ACBD6: variants seen among roughly 807,000 people sequenced by gnomAD.
ACBD6 encodes acyl-CoA-binding domain-containing protein 6.
A neutral mutation model predicts 37.2 loss-of-function variants in ACBD6; 28 were observed. The observed-to-expected ratio is 0.75, with a 90% CI of 0.56 to 1.03. The LOEUF (loss-of-function observed/expected upper bound fraction) is 1.03, where lower values mean the gene tolerates loss of function less well. Among genes scored for constraint, ACBD6 ranks in the 50% least tolerant of loss-of-function variants. ACBD6 has a pLI of 0.00. For missense variants in ACBD6, 340 were observed against 337.4 expected, an observed-to-expected ratio of 1.01 and a Z score of -0.06; for synonymous variants, 113 against 126.8, an observed-to-expected ratio of 0.89 and a Z score of 0.73.
chr1:180,275,208 G>GTTTTGGT (rs1172085204), exon 10 of ACBD6: 1 of 152,180 alleles, frequency 6.6e-6, no homozygotes, highest in Non-Finnish European at 1.5e-5. Context: ...ATATGAACCT[G>GTTTTGGT]TTTTGGTTTT....
chr1:180,459,984 T>A (rs1195639069), intron 3 of ACBD6, among the ~76,000 whole-genome samples: 1 of 137,868 alleles, frequency 7.3e-6, no homozygotes, highest in African/African-American at 2.9e-5. Context: ...TTTTTTTTTT[T>A]TTTTTTTTAA....
intron 6 of ACBD6, among the ~76,000 whole-genome samples, chr1:180,387,185 C>T (rs1236933437): frequency 3.3e-5 from 5 of 152,266 alleles, no homozygotes; most frequent in African/African-American, 4.8e-5. Flanking sequence ...CTATTCCACA[C>T]TGTAGTTCAG....
downstream of ACBD6, among the ~76,000 whole-genome samples, chr1:180,286,323 T>C (rs995484582): frequency 6.6e-6 from 1 of 152,166 alleles, no homozygotes; most frequent in Non-Finnish European, 1.5e-5. Context: ...ATCTATACAG[T>C]TTTAGATGCG....
chr1:180,304,167 C>G (rs567023096), intron 7 of ACBD6, among the ~76,000 whole-genome samples: 2 of 150,630 alleles, frequency 1.3e-5, no homozygotes, highest in African/African-American at 4.9e-5. Flanking sequence ...ATGGGCAAAA[C>G]CTGGAACCAT....
At chr1:180,453,592 A>G (rs1649798650) in intron 3 of ACBD6, among the ~76,000 whole-genome samples, 1 of 152,190 alleles carries the variant, frequency 6.6e-6, no homozygotes, top group Admixed American at 6.5e-5. Context: ...AAATAGGAAG[A>G]GAGGAAGTCA....
Position 180,420,999 on chromosome 1 carries a change from A to C in ACBD6, c.468-7528T>G, listed in dbSNP as rs1445935431. Among the ~76,000 whole-genome samples the C allele has an allele frequency of 2.0e-5, 3 of 151,782 alleles. No homozygotes were observed. In the East Asian group the frequency reaches 5.8e-4, roughly 29 times the overall value. On this transcript the variant is annotated intron_variant, in intron 4 of 7. Coordinates refer to ENST00000367595, the MANE Select transcript of ACBD6 (RefSeq NM_032360.4). The stretch of plus-strand genomic sequence containing the variant: ...TAAACACCTGTTCATGCAAATAGAT[A>C]TCCTCTCTCCTCAATGATTTTTTTT...
intron 7 of ACBD6, among the ~76,000 whole-genome samples, chr1:180,300,351 CCAG>C (rs1650083523): frequency 6.6e-6 from 1 of 151,884 alleles, no homozygotes; most frequent in Non-Finnish European, 1.5e-5. Context: ...ACAAATATGC[CCAG>C]CAGATCCTCT....
At position 180,402,649 on chromosome 1, in the gene ACBD6, T is replaced by C. The variant is rs575550537; in HGVS notation, c.574-5044A>G. On this transcript the variant is annotated intron_variant, in intron 5 of 7. Transcript: ENST00000367595. ...AAACCCCATCTCTACAAAAATTAGC[T>C]GGACATGGTGGCACACTTCTGTAGT... Among the ~76,000 whole-genome samples the C allele has an allele frequency of 5.9e-5, 9 of 152,086 alleles. No individual in the cohort carries two copies. The East Asian group carries it at 1.7e-3, about 29-fold the overall frequency.
chr1:180,399,538 G>A (rs1337672350), intron 5 of ACBD6, among the ~76,000 whole-genome samples: 1 of 152,208 alleles, frequency 6.6e-6, no homozygotes, highest in Admixed American at 6.5e-5. Flanking sequence ...AAAGTGCTGG[G>A]ATTACAGGCG....
At chr1:180,312,321 T>G (rs556455006) in intron 7 of ACBD6, among the ~76,000 whole-genome samples, 6 of 152,310 alleles carry the variant, frequency 3.9e-5, no homozygotes, top group African/African-American at 1.4e-4. Context: ...AGGATTTTGT[T>G]GCTATTGTAA....
chr1:180,421,041 T>A (rs552574306), intron 4 of ACBD6, among the ~76,000 whole-genome samples: 1 of 152,084 alleles, frequency 6.6e-6, no homozygotes, highest in South Asian at 2.1e-4. Flanking sequence ...TCGGGGTACA[T>A]GTACAGGATG....
intron 6 of ACBD6, among the ~76,000 whole-genome samples, chr1:180,386,444 A>G (rs1265008160): frequency 6.6e-6 from 1 of 152,118 alleles, no homozygotes; most frequent in South Asian, 2.1e-4. Context: ...CAGCTTCTCA[A>G]ATCTATAGGT....
chr1:180,426,193 T>G (rs1408409336), intron 4 of ACBD6, among the ~76,000 whole-genome samples: 1 of 152,242 alleles, frequency 6.6e-6, no homozygotes, highest in Non-Finnish European at 1.5e-5. Flanking sequence ...TCCAGATGGC[T>G]GTCTGTGTAA....
At chr1:180,307,813 G>A (rs1650441256) in intron 7 of ACBD6, among the ~76,000 whole-genome samples, 1 of 152,140 alleles carries the variant, frequency 6.6e-6, no homozygotes, top group African/African-American at 2.4e-5. Flanking sequence ...AAACTAGCTG[G>A]GTATGGTGGC....
chr1:180,436,537 GT>G (rs1303395504), intron 3 of ACBD6, among the ~76,000 whole-genome samples: 1 of 152,114 alleles, frequency 6.6e-6, no homozygotes. Flanking sequence ...CTTGCGTTGT[GT>G]TTTTTTGCCC....
chr1:180,280,585 A>AC (rs146883350), intron 9 of ACBD6, among the ~76,000 whole-genome samples: 1,807 of 152,036 alleles, frequency 0.012, 33 homozygotes, highest in African/African-American at 0.038. Flanking sequence ...TTTAGTGGAG[A>AC]CCCCCTCTGC....
chr1:180,352,351 T>C (rs1009515689), intron 6 of ACBD6, among the ~76,000 whole-genome samples: 1 of 152,100 alleles, frequency 6.6e-6, no homozygotes, highest in Non-Finnish European at 1.5e-5. Context: ...TCAAGTGATC[T>C]TCCTGCCTTA....
At chr1:180,329,030 C>G (rs1190707728) in intron 6 of ACBD6, among the ~76,000 whole-genome samples, 1 of 152,130 alleles carries the variant, frequency 6.6e-6, no homozygotes, top group Admixed American at 6.5e-5. Flanking sequence ...TTAAAAACAT[C>G]ATCCCTGTAA....
Position 180,502,518 on chromosome 1 carries a change from C to T in ACBD6, c.-252G>A, listed in dbSNP as rs1652029566. ...CCGGTCTCCTCCGGCTTCCCTCCGG[C>T]CAACAGCGCGCTCAGGCTCGCCTCA... On this transcript the variant is annotated 5_prime_UTR_variant, in exon 1 of 8. Coordinates refer to ENST00000367595, the MANE Select transcript of ACBD6 (RefSeq NM_032360.4). 1 of 537,828 alleles carries T rather than the reference C, an allele frequency of 1.9e-6. No homozygotes were observed. Among genetic ancestry groups the T allele is most frequent in the Non-Finnish European group, 3.4e-6 (1 of 296,586 alleles). 33.3% of individuals were successfully genotyped at this position (537,828 alleles called of 1,614,324 possible).
Sources: allele counts gnomAD v4.1 joint callset (sites outside exome capture counted in the v4.1 genomes callset), GRCh38; gene constraint gnomAD v4.1.1; transcripts MANE v1.5; gene names NCBI Gene and HGNC (gene_info 2026-07-23, HGNC 2026-07-21).